TMEM222: variants seen among roughly 807,000 people sequenced by gnomAD.
TMEM222 encodes transmembrane protein 222, also known as chromosome 1 open reading frame 160.
A neutral mutation model predicts 25.1 loss-of-function variants in TMEM222; 18 were observed. The observed-to-expected ratio is 0.72, with a 90% CI of 0.50 to 1.06. TMEM222 has a LOEUF of 1.06. Ranked by LOEUF, TMEM222 falls within the 50% of genes least tolerant of loss-of-function variation. The pLI, the probability that TMEM222 is intolerant of heterozygous loss-of-function variation, is 0.00. For missense variants in TMEM222, 296 were observed against 293.7 expected (o/e 1.01, Z -0.06); for synonymous variants, 131 against 117.9 (o/e 1.11, Z -0.72).
chr1:27,325,589 G>A (rs1260130378), intron 1 of TMEM222: 12 of 998,204 alleles, frequency 1.2e-5, no homozygotes, highest in African/African-American at 1.6e-5. Flanking sequence ...CCATGTACCC[G>A]GGCATCACCG....
intron 1 of TMEM222, among the ~76,000 whole-genome samples, chr1:27,323,329 A>G (rs2014256168): frequency 6.6e-6 from 1 of 152,232 alleles, no homozygotes; most frequent in Non-Finnish European, 1.5e-5. Flanking sequence ...TCCGCTATCA[A>G]TAACAGCCAG....
At chr1:27,326,155 G>T (rs1440614214) in intron 1 of TMEM222, among the ~76,000 whole-genome samples, 1 of 152,188 alleles carries the variant, frequency 6.6e-6, no homozygotes, top group African/African-American at 2.4e-5. Flanking sequence ...GATCTTTGCA[G>T]GGTATTAATA....
At chr1:27,323,488 T>TA (rs1395618336) in intron 1 of TMEM222, among the ~76,000 whole-genome samples, 2 of 152,142 alleles carry the variant, frequency 1.3e-5, no homozygotes, top group African/African-American at 4.8e-5. Flanking sequence ...TCTTTAAAAA[T>TA]AAAATATTGG....
At chr1:27,326,997 C>T (rs2014367522) in intron 1 of TMEM222, among the ~76,000 whole-genome samples, 2 of 150,012 alleles carry the variant, frequency 1.3e-5, no homozygotes, top group Non-Finnish European at 3.0e-5. Context: ...TCCTCCCAAG[C>T]AGATGAAAGG....
chr1:27,324,367 T>C (rs1273228889), intron 1 of TMEM222, among the ~76,000 whole-genome samples: 2 of 152,246 alleles, frequency 1.3e-5, no homozygotes, highest in Admixed American at 6.5e-5. Context: ...AGGAAATGTA[T>C]TGGTTTTCTT....
At chr1:27,334,538 GTC>G in intron 5 of TMEM222, 2 of 1,425,880 alleles carry the variant, frequency 1.4e-6, no homozygotes, top group Non-Finnish European at 1.9e-6. Context: ...AACTGCCTTG[GTC>G]TCTCTTAGCC....
At position 27,335,476 on chromosome 1, in the gene TMEM222, G is replaced by A. The variant is rs374837268; in HGVS notation, c.*10G>A. The A allele has an allele frequency of 3.2e-5, 52 of 1,613,588 alleles. No individual in the cohort carries two copies. Among genetic ancestry groups the A allele is most frequent in the Admixed American group, 1.5e-4 (9 of 59,992 alleles). On this transcript the variant is annotated 3_prime_UTR_variant, in exon 6 of 6. Transcript: ENST00000374076. ...CTTTAACCTCCGGTGATGGCTGCTC[G>A]GTGGCCCCACACCCACCAGGGTCCC...
At chr1:27,326,710 T>C (rs2014358768) in intron 1 of TMEM222, among the ~76,000 whole-genome samples, 1 of 152,182 alleles carries the variant, frequency 6.6e-6, no homozygotes, top group Non-Finnish European at 1.5e-5. Context: ...GAAGCCAGTG[T>C]GGTGCTCTTT....
chr1:27,333,888 CAG>C lies in TMEM222; in HGVS notation c.312-67_312-66del, dbSNP rs2014539691. 2.8e-6 allele frequency: 4 copies of C among 1,427,332 alleles called. No homozygotes were observed. The African/African-American group carries it at 4.2e-5, about 15-fold the overall frequency. 88.4% of individuals were successfully genotyped at this position (1,427,332 alleles called of 1,614,324 possible). A position where few individuals can be genotyped will look rare whatever the true frequency, so the allele number is the denominator to read the frequency against. ...TCAGGCCCGGGCACAGGGCAGGCCT[CAG>C]AGGACGTGCGTAGAGCTGAGGGCAC... is the stretch of plus-strand genomic sequence containing the variant. On this transcript the variant is annotated intron_variant, in intron 3 of 5. Transcript: ENST00000374076.
At chr1:27,322,490 T>C in intron 1 of TMEM222, 99 bp downstream of exon 1, 1 of 1,197,244 alleles carries the variant, frequency 8.4e-7, no homozygotes, top group Non-Finnish European at 1.1e-6. Flanking sequence ...GCAAGCCTTT[T>C]CCTCGGGTCT....
intron 2 of TMEM222, 151 bp from the exon 3 acceptor site, chr1:27,331,919 C>A: frequency 1.2e-6 from 1 of 837,476 alleles, no homozygotes; most frequent in Non-Finnish European, 2.0e-6. Context: ...AGATGCCATG[C>A]CAGCCCCAGG....
At chr1:27,331,046 C>G in intron 2 of TMEM222, 1 of 1,417,928 alleles carries the variant, frequency 7.1e-7, no homozygotes, top group Non-Finnish European at 9.3e-7. Context: ...GCCCTTTGCC[C>G]CCACCCCTGG....
Position 27,336,368 on chromosome 1 carries a change from C to T in TMEM222, c.*902C>T, listed in dbSNP as rs2014608681. The T allele has an allele frequency of 6.6e-6, 1 of 152,524 alleles. No homozygotes were observed. Among genetic ancestry groups the T allele is most frequent in the Non-Finnish European group, 1.5e-5 (1 of 68,182 alleles). 9.4% of individuals were successfully genotyped at this position (152,524 alleles called of 1,614,324 possible). A position where few individuals can be genotyped will look rare whatever the true frequency, so the allele number is the denominator to read the frequency against. Reference sequence around the variant, plus strand: ...TCTGTGGATTCCTTTGGGAAGGGCTCCCTGGGCAGGACAATAAAGAGTTTT... The same window carrying T: ...TCTGTGGATTCCTTTGGGAAGGGCTTCCTGGGCAGGACAATAAAGAGTTTT... On this transcript the variant is annotated 3_prime_UTR_variant, in exon 6 of 6. Transcript: ENST00000374076.
At chr1:27,323,958 G>A (rs1320129160) in intron 1 of TMEM222, among the ~76,000 whole-genome samples, 1 of 152,202 alleles carries the variant, frequency 6.6e-6, no homozygotes, top group Non-Finnish European at 1.5e-5. Context: ...GAAGGAGATA[G>A]ACAGTAAACA....
At chr1:27,328,137 G>T (rs560815988) in intron 1 of TMEM222, among the ~76,000 whole-genome samples, 11 of 152,216 alleles carry the variant, frequency 7.2e-5, no homozygotes, top group Non-Finnish European at 1.6e-4. Flanking sequence ...TTGGGTGGCT[G>T]TGCTGGAAGA....
intron 5 of TMEM222, chr1:27,334,904 C>T (rs1258447968): frequency 3.5e-6 from 3 of 866,604 alleles, no homozygotes; most frequent in African/African-American, 3.6e-5. Flanking sequence ...AGAGGTTGAA[C>T]CCAGACCCCT....
intron 1 of TMEM222, among the ~76,000 whole-genome samples, chr1:27,326,056 A>T (rs1330670378): frequency 6.6e-6 from 1 of 152,198 alleles, no homozygotes; most frequent in Non-Finnish European, 1.5e-5. Flanking sequence ...AACCCTTAGT[A>T]CATGTGGCTT....
At chr1:27,332,719 G>A in intron 3 of TMEM222, 1 of 587,640 alleles carries the variant, frequency 1.7e-6, no homozygotes, top group Non-Finnish European at 3.1e-6. Flanking sequence ...GGGCCGAGGA[G>A]GAGTTGGTGT....
At chr1:27,334,303 C>T (rs1172940691) in intron 5 of TMEM222, 22 bp downstream of exon 5, 2 of 1,613,796 alleles carry the variant, frequency 1.2e-6, no homozygotes, top group East Asian at 4.5e-5. Context: ...TCCTGCCTGC[C>T]CACCCACACA....
Sources: allele counts gnomAD v4.1 joint callset (sites outside exome capture counted in the v4.1 genomes callset), GRCh38; gene constraint gnomAD v4.1.1; transcripts MANE v1.5; gene names NCBI Gene and HGNC (gene_info 2026-07-23, HGNC 2026-07-21).